The following GNE variants were observed in gnomAD, a reference collection of about 807,000 sequenced individuals.
The protein encoded by GNE is bifunctional UDP-N-acetylglucosamine 2-epimerase/N-acetylmannosamine kinase.
In GNE, 41 loss-of-function variants were observed where a neutral mutation model predicts 61.8. That is an observed-to-expected ratio of 0.66 (90% CI 0.52 to 0.86). The LOEUF is 0.86. GNE is among the 40% of genes least tolerant of loss of function. The probability of loss-of-function intolerance (pLI) is 0.00; values close to 1 mark genes in which losing one functional copy is unlikely to be tolerated. For synonymous variants in GNE, 264 were observed against 326.4 expected, an observed-to-expected ratio of 0.81 and a Z score of 2.06; for missense variants, 608 against 909.1, an observed-to-expected ratio of 0.67 and a Z score of 4.26.
chr9:36,257,284 C>T (rs1830395485), intron 1 of GNE, among the ~76,000 whole-genome samples: 1 of 152,116 alleles, frequency 6.6e-6, no homozygotes, highest in Admixed American at 6.6e-5. Flanking sequence ...ATCGCCCTTT[C>T]ATCAGTGCAA....
intron 2 of GNE, among the ~76,000 whole-genome samples, chr9:36,248,336 C>T (rs1167641806): frequency 2.7e-5 from 4 of 147,512 alleles, no homozygotes; most frequent in Admixed American, 6.8e-5. Flanking sequence ...TTTTTTGAGA[C>T]GGAGTCTCAC....
chr9:36,231,066 T>TAAAAAAAAAAAA (rs529903965), intron 5 of GNE, among the ~76,000 whole-genome samples: 16 of 68,320 alleles, frequency 2.3e-4, no homozygotes, highest in African/African-American at 4.6e-4. Flanking sequence ...ACTGCTTCAC[T>TAAAAAAAAAAAA]AAAAAAAAAA....
rs1459054326 is a variant in GNE, at chr9:36,216,898, T to A, written c.*467A>T. ...CATGTTAGCCAGGGCGGTCTCGATC[T>A]CCTGACCTCGTGATCCGCCCGCCTC... On this transcript the variant is annotated 3_prime_UTR_variant, in exon 12 of 12. Coordinates refer to ENST00000642385, the MANE Select transcript of GNE (RefSeq NM_005476.7). 4.8e-6 allele frequency: 1 copy of A among 206,574 alleles called. No homozygotes were observed. Among genetic ancestry groups the A allele is most frequent in the East Asian group, 1.2e-4 (1 of 8,152 alleles). The allele number at this position is 206,574 out of a possible 1,614,324, so 12.8% of individuals were successfully genotyped here.
At chr9:36,258,073 A>T (rs901831241) in intron 1 of GNE, among the ~76,000 whole-genome samples, 2 of 152,020 alleles carry the variant, frequency 1.3e-5, no homozygotes, top group African/African-American at 2.4e-5. Context: ...GCCTCCCTCT[A>T]CATCCCCTCC....
rs1563930250 is a variant in GNE at position 36,222,884 on chromosome 9, TGCAAAGTGTCAGAAAGGGGGGTCCTA to T, written c.1500_1525del (p.Arg501SerfsTer8). The T allele has an allele frequency of 6.2e-7, 1 of 1,614,144 alleles. No homozygotes were observed. The highest frequency in any genetic ancestry group is 8.5e-7 in the Non-Finnish European group (1 of 1,180,006). ...ATCATTGTCTACCCACACAGGGAGA[TGCAAAGTGTCAGAAAGGGGGGTCCTA>T]AGGTCCACAGAGTTCCACTCTTGGA... On this transcript the variant is annotated frameshift_variant, in exon 9 of 12. Transcript: ENST00000642385. LOFTEE classifies it high-confidence loss of function.
intron 5 of GNE, among the ~76,000 whole-genome samples, chr9:36,233,152 A>G (rs1829245204): frequency 6.6e-6 from 1 of 152,224 alleles, no homozygotes; most frequent in African/African-American, 2.4e-5. Context: ...ACAGGATTAG[A>G]ACTTGAACTA....
chr9:36,222,900 G>T lies in GNE; in HGVS notation c.1510C>A (p.Leu504Ile). ...EWNSVDLRTP[L>I]SDTLHLPVWV... ...ACAGGGAGATGCAAAGTGTCAGAAA[G>T]GGGGGTCCTAAGGTCCACAGAGTTC... Residue 504 changes from leucine to isoleucine, a missense_variant, in exon 9 of 12, where the codon CTT becomes ATT. Transcript: ENST00000642385. 6.2e-7 allele frequency: 1 copy of T among 1,614,100 alleles called. No homozygotes were observed. The highest frequency in any genetic ancestry group is 8.5e-7 in the Non-Finnish European group (1 of 1,179,946).
chr9:36,255,467 C>G (rs555591862), intron 1 of GNE, among the ~76,000 whole-genome samples: 1 of 152,110 alleles, frequency 6.6e-6, no homozygotes, highest in East Asian at 1.9e-4. Flanking sequence ...CCTTGCCTCA[C>G]AAAAATTAAA....
chr9:36,273,439 A>T (rs1055055297), intron 1 of GNE, among the ~76,000 whole-genome samples: 1 of 151,292 alleles, frequency 6.6e-6, no homozygotes, highest in Admixed American at 6.6e-5. Context: ...CTGGTCTCGA[A>T]CTCCTGATCT....
Position 36,222,831 on chromosome 9 carries a change from T to C in GNE, c.1579A>G (p.Lys527Glu). The C allele has an allele frequency of 1.2e-6, 2 of 1,614,206 alleles. No homozygotes were observed. Among genetic ancestry groups the C allele is most frequent in the Non-Finnish European group, 1.7e-6 (2 of 1,180,028 alleles). ...DGNCAALAER[K>E]FGQGKGLENF... is the part of the protein sequence containing the mutation. ...TCCAGTCCCTTTCCTTGGCCAAATT[T>C]CCTTTCCGCCAGGGCAGCACAGTTG... Residue 527 changes from lysine to glutamate, a missense_variant, in exon 9 of 12, where the codon AAA becomes GAA. By Grantham distance (56) the Lys-to-Glu change is moderately conservative. Transcript: ENST00000642385.
chr9:36,227,017 C>T (rs1245857872), intron 7 of GNE, among the ~76,000 whole-genome samples: 1 of 152,110 alleles, frequency 6.6e-6, no homozygotes, highest in Non-Finnish European at 1.5e-5. Context: ...AGGGGTCTTC[C>T]CACTGTCAAG....
At chr9:36,221,942 G>A (rs1343531270) in intron 9 of GNE, among the ~76,000 whole-genome samples, 1 of 152,166 alleles carries the variant, frequency 6.6e-6, no homozygotes, top group Non-Finnish European at 1.5e-5. Flanking sequence ...CAGTACTGGT[G>A]TACAGAAACA....
chr9:36,254,661 T>C lies in GNE; in HGVS notation c.-43+3660A>G, dbSNP rs1048324385. ...GAATGCAAAAAGCTGCTTTCAAGAA[T>C]TGAGTTTCGGCCGGGCGCAGTGGCT... On this transcript the variant is annotated intron_variant, in intron 1 of 11. Transcript: ENST00000642385. Among the ~76,000 whole-genome samples, 14 of 151,070 alleles carry C rather than the reference T, an allele frequency of 9.3e-5. 1 individual carries two copies. Among genetic ancestry groups the C allele is most frequent in the Admixed American group, 7.9e-4 (12 of 15,160 alleles).
chr9:36,229,136 G>T, intron 5 of GNE, 28 bp from the exon 6 acceptor site: 2 of 1,214,870 alleles, frequency 1.6e-6, no homozygotes, highest in Non-Finnish European at 2.5e-6. Flanking sequence ...CACATTACAA[G>T]GATTTGGAAG....
chr9:36,276,854 A>G (rs201548308), intron 1 of GNE: 59 of 1,484,310 alleles, frequency 4.0e-5, no homozygotes, highest in Admixed American at 2.0e-4. Context: ...TCTGATTGCA[A>G]TTTCAATAAT....
intron 9 of GNE, 64 bp from the exon 10 acceptor site, chr9:36,220,084 A>C: frequency 1.6e-6 from 2 of 1,281,824 alleles, no homozygotes; most frequent in Non-Finnish European, 1.1e-6. Context: ...TGATATCACA[A>C]CGCCTCATCT....
chr9:36,245,720 T>C (rs1331459633), intron 3 of GNE, among the ~76,000 whole-genome samples: 1 of 152,180 alleles, frequency 6.6e-6, no homozygotes, highest in Non-Finnish European at 1.5e-5. Flanking sequence ...ATTACACTTA[T>C]AATTTTATAG....
intron 5 of GNE, 84 bp downstream of exon 5, chr9:36,233,836 G>T: frequency 9.8e-7 from 1 of 1,016,606 alleles, no homozygotes; most frequent in Non-Finnish European, 1.6e-6. Flanking sequence ...CAAAATATAT[G>T]CTCAGTACTG....
At chr9:36,229,437 A>G (rs558498108) in intron 5 of GNE, among the ~76,000 whole-genome samples, 1 of 152,216 alleles carries the variant, frequency 6.6e-6, no homozygotes, top group South Asian at 2.1e-4. Context: ...CTCTCTTTCA[A>G]CCTGCCCTGC....
Sources: gnomAD v4.1 joint callset for allele counts (sites outside exome capture counted in the v4.1 genomes callset) on GRCh38, gnomAD v4.1.1 for gene constraint, MANE v1.5 for transcripts, NCBI Gene and HGNC (gene_info 2026-07-23, HGNC 2026-07-21) for gene names.